TRIM9: variants seen among roughly 807,000 people sequenced by gnomAD.
TRIM9 encodes tripartite motif containing 9.
Under a neutral mutation model 78.3 loss-of-function variants are expected in TRIM9, and 26 were observed. The observed-to-expected ratio is 0.33, with a 90% CI of 0.24 to 0.46. The LOEUF (loss-of-function observed/expected upper bound fraction) is 0.46, where lower values mean the gene tolerates loss of function less well. Ranked by LOEUF, TRIM9 falls within the 20% of genes least tolerant of loss-of-function variation. The probability of loss-of-function intolerance (pLI) is 1.00; values close to 1 mark genes in which losing one functional copy is unlikely to be tolerated. For synonymous variants in TRIM9, 398 were observed against 416.5 expected (o/e 0.96, Z 0.54); for missense variants, 787 against 1,036.4 (o/e 0.76, Z 3.30).
In TRIM9 at chr14:50,979,453, A is replaced by T; in HGVS notation, c.2259T>A (p.Gly753=). ...CCTCCACGTTATCAAATGCTATGGGACCTTGTTGTTCATCGTTGATAAAAA... is the reference window on the plus strand; with the variant it reads ...CCTCCACGTTATCAAATGCTATGGGTCCTTGTTGTTCATCGTTGATAAAAA... ...LTFFINDEQQ[G]PIAFDNVEGL... The change falls in exon 12 of 13, where the codon GGT becomes GGA. Residue 753 remains glycine, a synonymous_variant. Coordinates refer to ENST00000684578, the MANE Select transcript of TRIM9 (RefSeq NM_001387360.1). 6.2e-7 allele frequency: 1 copy of T among 1,614,108 alleles called. No individual in the cohort carries two copies. The highest frequency in any genetic ancestry group is 8.5e-7 in the Non-Finnish European group (1 of 1,180,020).
chr14:50,996,013 G>T, intron 7 of TRIM9: 1 of 811,086 alleles, frequency 1.2e-6, no homozygotes, highest in Non-Finnish European at 1.5e-6. Context: ...TCTAAATCTT[G>T]TCTCACTGAA....
chr14:50,982,118 A>C lies in TRIM9; in HGVS notation c.1859-15T>G. On this transcript the variant is annotated splice_polypyrimidine_tract_variant and intron_variant, in intron 10 of 12. Transcript: ENST00000684578. ...AAACCAGGCCACTGGGAACAACAGA[A>C]GGGAATCAGGTTATTAAGACAGACC... 1 of 1,612,646 alleles carries C rather than the reference A, an allele frequency of 6.2e-7. No individual in the cohort carries two copies.
chr14:50,978,811 T>C, intron 12 of TRIM9: 1 of 754,994 alleles, frequency 1.3e-6, no homozygotes, highest in Non-Finnish European at 1.6e-6. Context: ...TAACTGTGCC[T>C]GGCACATTAA....
intron 1 of TRIM9, chr14:51,091,051 C>T (rs978320611): frequency 4.6e-5 from 7 of 152,096 alleles, no homozygotes; most frequent in African/African-American, 1.7e-4. Context: ...ATTCTTTTAA[C>T]AAGTACGTTG....
chr14:51,071,110 G>C (rs1373339498), intron 1 of TRIM9, among the ~76,000 whole-genome samples: 2 of 151,956 alleles, frequency 1.3e-5, no homozygotes, highest in African/African-American at 4.8e-5. Context: ...CCAGGCACAG[G>C]GCTCACATCT....
At chr14:51,066,787 C>A (rs894640798) in intron 1 of TRIM9, among the ~76,000 whole-genome samples, 1 of 152,300 alleles carries the variant, frequency 6.6e-6, no homozygotes, top group Non-Finnish European at 1.5e-5. Context: ...GGTTGCAGCT[C>A]GGCGTTTGCC....
chr14:51,028,706 G>A (rs2058467424), intron 1 of TRIM9, among the ~76,000 whole-genome samples: 2 of 152,204 alleles, frequency 1.3e-5, no homozygotes, highest in South Asian at 4.1e-4. Context: ...TGTTTTCTAG[G>A]TTACTGAAAA....
intron 7 of TRIM9, chr14:50,996,685 G>A (rs2054249153): frequency 1.0e-6 from 1 of 985,252 alleles, no homozygotes; most frequent in South Asian, 4.7e-5. Flanking sequence ...CAGTTAGTAT[G>A]GTATTTTGAG....
intron 3 of TRIM9, among the ~76,000 whole-genome samples, chr14:51,011,941 T>A (rs1477938158): frequency 6.6e-6 from 1 of 152,206 alleles, no homozygotes; most frequent in Non-Finnish European, 1.5e-5. Flanking sequence ...TCCCATTGAG[T>A]GGGTAATCTT....
rs995471451 is a variant in TRIM9 at position 50,976,123 on chromosome 14, T to C, written c.*1168A>G. 5 of 152,610 alleles carry C rather than the reference T, an allele frequency of 3.3e-5. No individual in the cohort carries two copies. The highest frequency in any genetic ancestry group is 1.2e-4 in the African/African-American group (5 of 41,442). 9.5% of individuals were successfully genotyped at this position (152,610 alleles called of 1,614,324 possible). ...TTGCCCTCTGGTCACTCTTTTTTTT[T>C]TCAACTGTCAATTTTTAAGGCGTGG... On this transcript the variant is annotated 3_prime_UTR_variant, in exon 13 of 13. Coordinates refer to ENST00000684578, the MANE Select transcript of TRIM9 (RefSeq NM_001387360.1).
At chr14:51,075,665 T>C (rs2062708584) in intron 1 of TRIM9, among the ~76,000 whole-genome samples, 1 of 152,062 alleles carries the variant, frequency 6.6e-6, no homozygotes, top group Admixed American at 6.6e-5. Flanking sequence ...CTCCCAGAGG[T>C]GAGTGAGAGT....
In TRIM9 at chr14:51,044,739, A is replaced by C. The variant is rs915485437; in HGVS notation, c.823-19379T>G. On this transcript the variant is annotated intron_variant, in intron 1 of 12. Transcript: ENST00000684578. ...GAAGAATAAATCATGAGTTTAAGCC[A>C]ACCTTGTTTTGTTATATGGCTAAAC... 2.6e-5 allele frequency among the ~76,000 whole-genome samples: 4 copies of C among 152,228 alleles called. No homozygotes were observed. The East Asian group carries it at 7.7e-4, about 29-fold the overall frequency.
chr14:50,999,939 G>A (rs1320282938), intron 6 of TRIM9, among the ~76,000 whole-genome samples: 1 of 152,174 alleles, frequency 6.6e-6, no homozygotes, highest in East Asian at 1.9e-4. Context: ...TTACCAGGAG[G>A]CCATTCTGTC....
Position 51,019,406 on chromosome 14 carries a change from T to C in TRIM9, c.1041+3429A>G, listed in dbSNP as rs141566652. Among the ~76,000 whole-genome samples, 193 of 152,368 alleles carry C rather than the reference T, an allele frequency of 1.3e-3. 1 individual carries two copies. Among genetic ancestry groups the C allele is most frequent in the African/African-American group, 4.4e-3 (183 of 41,586 alleles). On this transcript the variant is annotated intron_variant, in intron 3 of 12. Coordinates refer to ENST00000684578, the MANE Select transcript of TRIM9 (RefSeq NM_001387360.1). ...AGAGTAGTATTAACTATAATTTACA[T>C]TTCAAACAGTTTCCCTCAAACATGT...
intron 10 of TRIM9, 141 bp downstream of exon 10, chr14:50,982,801 G>T: frequency 1.4e-6 from 1 of 724,170 alleles, no homozygotes; most frequent in Non-Finnish European, 2.3e-6. Flanking sequence ...GTCTTTGTAC[G>T]CATTGTTACG....
At chr14:51,050,207 G>A (rs964388841) in intron 1 of TRIM9, among the ~76,000 whole-genome samples, 6 of 152,134 alleles carry the variant, frequency 3.9e-5, no homozygotes, top group African/African-American at 1.4e-4. Flanking sequence ...GCCTGATATG[G>A]TTTGGCTGTG....
At chr14:51,071,811 T>C (rs12184968) in intron 1 of TRIM9, among the ~76,000 whole-genome samples, 34,234 of 151,958 alleles carry the variant, frequency 0.23, 4,033 homozygotes, top group African/African-American at 0.25. Flanking sequence ...TCTCAAAAAA[T>C]AAATAAATGA....
chr14:50,991,382 C>T (rs938961985), intron 7 of TRIM9, among the ~76,000 whole-genome samples: 1 of 152,114 alleles, frequency 6.6e-6, no homozygotes. Flanking sequence ...GCTCTGAAAC[C>T]TATCATTATG....
chr14:50,989,566 A>G (rs555099468), intron 7 of TRIM9, among the ~76,000 whole-genome samples: 1 of 152,320 alleles, frequency 6.6e-6, no homozygotes, highest in South Asian at 2.1e-4. Flanking sequence ...ATCACTAGAG[A>G]AAAATGAGGA....
Sources: gnomAD v4.1 joint callset for allele counts (sites outside exome capture counted in the v4.1 genomes callset) on GRCh38, gnomAD v4.1.1 for gene constraint, MANE v1.5 for transcripts, NCBI Gene and HGNC (gene_info 2026-07-23, HGNC 2026-07-21) for gene names.